The following PITHD1 variants were observed in gnomAD, a reference collection of about 807,000 sequenced individuals.
The protein encoded by PITHD1 is PITH domain-containing protein 1.
Under a neutral mutation model 27.5 loss-of-function variants are expected in PITHD1, and 8 were observed. The ratio of observed to expected loss-of-function variants is 0.29; its 90% CI spans 0.17 to 0.52. PITHD1 has a LOEUF of 0.52. Among genes scored for constraint, PITHD1 ranks in the 20% least tolerant of loss-of-function variants. PITHD1 has a pLI of 0.96. For synonymous variants in PITHD1, 118 were observed against 106.8 expected (o/e 1.10, Z -0.64); for missense variants, 233 against 283.9 (o/e 0.82, Z 1.29).
At chr1:23,785,829 C>A in intron 4 of PITHD1, 50 bp downstream of exon 4, 2 of 1,080,480 alleles carry the variant, frequency 1.9e-6, no homozygotes, top group South Asian at 1.3e-5. Flanking sequence ...ATAGGGCTTG[C>A]CATTTATTTT....
chr1:23,784,607 A>G (rs1481261650), intron 3 of PITHD1, among the ~76,000 whole-genome samples: 1 of 152,174 alleles, frequency 6.6e-6, no homozygotes, highest in East Asian at 1.9e-4. Context: ...GTGTGTCAAT[A>G]AAACACCCTG....
chr1:23,787,378 G>A lies in PITHD1; in HGVS notation c.*2G>A. ...CCACAGACACACTTTATTTCCTAAGGGCTGGCCAAGGCTCCCATAGAGGCG... is the reference window on the plus strand; with the variant it reads ...CCACAGACACACTTTATTTCCTAAGAGCTGGCCAAGGCTCCCATAGAGGCG... On this transcript the variant is annotated 3_prime_UTR_variant, in exon 6 of 6. Coordinates refer to ENST00000246151, the MANE Select transcript of PITHD1 (RefSeq NM_020362.5). 1 of 1,498,328 alleles carries A rather than the reference G, an allele frequency of 6.7e-7. No homozygotes were observed. The highest frequency in any genetic ancestry group is 9.3e-7 in the Non-Finnish European group (1 of 1,076,146). The allele number at this position is 1,498,328 out of a possible 1,614,324, so 92.8% of individuals were successfully genotyped here.
intron 3 of PITHD1, among the ~76,000 whole-genome samples, chr1:23,782,423 GAAAAAA>G (rs796360932): frequency 7.7e-6 from 1 of 129,552 alleles, no homozygotes; most frequent in Non-Finnish European, 1.7e-5. Flanking sequence ...TGTCTCAAAA[GAAAAAA>G]AAAAAAGAAT....
At chr1:23,787,115 A>T (rs1638696876) in intron 5 of PITHD1, 160 bp from the exon 6 acceptor site, 1 of 153,244 alleles carries the variant, frequency 6.5e-6, no homozygotes, top group African/African-American at 2.4e-5. Flanking sequence ...AAGTATCAAA[A>T]TTGGGAGATA....
Position 23,778,435 on chromosome 1 carries a change from G to A in PITHD1, c.-81G>A. 1 of 970,436 alleles carries A rather than the reference G, an allele frequency of 1.0e-6. No homozygotes were observed. Among genetic ancestry groups the A allele is most frequent in the Non-Finnish European group, 1.3e-6 (1 of 758,886 alleles). 60.1% of individuals were successfully genotyped at this position (970,436 alleles called of 1,614,324 possible). A position where few individuals can be genotyped will look rare whatever the true frequency, so the allele number is the denominator to read the frequency against. On this transcript the variant is annotated 5_prime_UTR_variant, in exon 1 of 6. Transcript: ENST00000246151. The stretch of plus-strand genomic sequence containing the variant: ...GCGCGCTTAGTTGCCGGAGCTGAAC[G>A]GCGCGGAGCTGGTCTGAGGCGAGCC...
chr1:23,785,996 T>A (rs950966933), intron 4 of PITHD1, among the ~76,000 whole-genome samples: 1 of 152,202 alleles, frequency 6.6e-6, no homozygotes, highest in African/African-American at 2.4e-5. Flanking sequence ...CTAGGGTGGT[T>A]TTAGGAAAGA....
At chr1:23,779,333 C>G (rs185566048) in intron 1 of PITHD1, 105 bp from the exon 2 acceptor site, 72 of 845,906 alleles carry the variant, frequency 8.5e-5, no homozygotes, top group Non-Finnish European at 1.3e-4. Context: ...GAGAGTGACT[C>G]TTCCCATTGC....
chr1:23,781,462 CA>C (rs34492133), intron 3 of PITHD1, among the ~76,000 whole-genome samples: 7,229 of 126,272 alleles, frequency 0.057, 472 homozygotes, highest in African/African-American at 0.19. Flanking sequence ...GACTCTGTCT[CA>C]AAAAAAAAAA....
intron 3 of PITHD1, among the ~76,000 whole-genome samples, chr1:23,783,430 C>CATATATACACACATATAT (rs1638637672): frequency 3.0e-5 from 4 of 134,382 alleles, no homozygotes; most frequent in African/African-American, 1.2e-4. Flanking sequence ...CGTATATATA[C>CATATATACACACATATAT]GTGTGTGTGT....
chr1:23,784,807 C>T (rs989777641), intron 3 of PITHD1, among the ~76,000 whole-genome samples: 6 of 152,132 alleles, frequency 3.9e-5, no homozygotes, highest in African/African-American at 1.2e-4. Flanking sequence ...CCCTCTCTAG[C>T]GGTTTGGATG....
Position 23,787,863 on chromosome 1 carries a change from T to G in PITHD1, c.*487T>G, listed in dbSNP as rs1188522343. 2 of 152,758 alleles carry G rather than the reference T, an allele frequency of 1.3e-5. No individual in the cohort carries two copies. Among genetic ancestry groups the G allele is most frequent in the African/African-American group, 2.4e-5 (1 of 41,450 alleles). The allele number at this position is 152,758 out of a possible 1,614,324, so 9.5% of individuals were successfully genotyped here. ...TGTTCCTGCTTGCTCCTTTCCCCTC[T>G]CATTGTTCAGCATTCTTGTCAAGTT... On this transcript the variant is annotated 3_prime_UTR_variant, in exon 6 of 6. Transcript: ENST00000246151.
rs568520060 is a variant in PITHD1, at chr1:23,787,862, C to G, written c.*486C>G. The G allele has an allele frequency of 6.5e-6, 1 of 152,840 alleles. No individual in the cohort carries two copies. Among genetic ancestry groups the G allele is most frequent in the African/African-American group, 2.4e-5 (1 of 41,566 alleles). 9.5% of individuals were successfully genotyped at this position (152,840 alleles called of 1,614,324 possible). On this transcript the variant is annotated 3_prime_UTR_variant, in exon 6 of 6. Transcript: ENST00000246151. The stretch of plus-strand genomic sequence containing the variant: ...TTGTTCCTGCTTGCTCCTTTCCCCT[C>G]TCATTGTTCAGCATTCTTGTCAAGT...
At position 23,786,443 on chromosome 1, in the gene PITHD1, G is replaced by A. The variant is rs979200784; in HGVS notation, c.534+20G>A. 3.2e-6 allele frequency: 4 copies of A among 1,265,196 alleles called. No homozygotes were observed. The highest frequency in any genetic ancestry group is 3.7e-4 in the Middle Eastern group (2 of 5,356). The allele number at this position is 1,265,196 out of a possible 1,614,324, so 78.4% of individuals were successfully genotyped here. ...ACTGAGGTAAGATGGGGTTGGAAAGGTTTTCCCCTCATGTCTACATATCTG... is the reference window on the plus strand; with the variant it reads ...ACTGAGGTAAGATGGGGTTGGAAAGATTTTCCCCTCATGTCTACATATCTG... On this transcript the variant is annotated intron_variant, in intron 5 of 5. Transcript: ENST00000246151.
chr1:23,782,995 T>G (rs1638624738), intron 3 of PITHD1, among the ~76,000 whole-genome samples: 1 of 151,072 alleles, frequency 6.6e-6, no homozygotes, highest in Non-Finnish European at 1.5e-5. Flanking sequence ...ATGTATTTTA[T>G]TTTATTTTAT....
intron 5 of PITHD1, among the ~76,000 whole-genome samples, chr1:23,787,001 CAAGTTCCTATTCTCATGGT>C (rs1159139693): frequency 1.3e-5 from 2 of 152,182 alleles, no homozygotes; most frequent in Non-Finnish European, 2.9e-5. Context: ...ATACCATAGA[CAAGTTCCTATTCTCATGGT>C]ACCCCCATTA....
Position 23,787,699 on chromosome 1 carries a change from G to A in PITHD1, c.*323G>A. ...ATTCCAAGTGTCATGTTGCTTTGTGGCAAGATTGTTGTGTGACTTGTTTTT... is the reference window on the plus strand; with the variant it reads ...ATTCCAAGTGTCATGTTGCTTTGTGACAAGATTGTTGTGTGACTTGTTTTT... On this transcript the variant is annotated 3_prime_UTR_variant, in exon 6 of 6. Coordinates refer to ENST00000246151, the MANE Select transcript of PITHD1 (RefSeq NM_020362.5). 5.3e-6 allele frequency: 1 copy of A among 187,774 alleles called. No homozygotes were observed. Among genetic ancestry groups the A allele is most frequent in the Non-Finnish European group, 1.1e-5 (1 of 91,176 alleles). The allele number at this position is 187,774 out of a possible 1,614,324, so 11.6% of individuals were successfully genotyped here.
chr1:23,781,310 A>G (rs573652742), intron 3 of PITHD1, among the ~76,000 whole-genome samples: 3 of 152,272 alleles, frequency 2.0e-5, no homozygotes, highest in East Asian at 1.9e-4. Context: ...TAAAAATACA[A>G]AAATTAGCTG....
At chr1:23,785,637 T>A in intron 3 of PITHD1, 38 bp from the exon 4 acceptor site, 2 of 1,306,716 alleles carry the variant, frequency 1.5e-6, no homozygotes, top group South Asian at 2.4e-5. Flanking sequence ...AACGTGATAA[T>A]GCACATTTCT....
chr1:23,778,777 T>G, intron 1 of PITHD1, 64 bp downstream of exon 1: 1 of 957,072 alleles, frequency 1.0e-6, no homozygotes, highest in Non-Finnish European at 1.4e-6. Context: ...GCCGTCGGTC[T>G]ACTCATTTCT....
Sources: gnomAD v4.1 joint callset for allele counts (sites outside exome capture counted in the v4.1 genomes callset) on GRCh38, gnomAD v4.1.1 for gene constraint, MANE v1.5 for transcripts, NCBI Gene and HGNC (gene_info 2026-07-23, HGNC 2026-07-21) for gene names.